Variants in IPP observed in about 807,000 individuals in gnomAD.
The protein encoded by IPP is intracisternal A particle-promoted polypeptide, also known as actin-binding protein IPP.
IPP carries 41 observed loss-of-function variants against 64.1 expected under a neutral mutation model. The ratio of observed to expected loss-of-function variants is 0.64; its 90% CI spans 0.50 to 0.83. The LOEUF is 0.83. Ranked by LOEUF, IPP falls within the 40% of genes least tolerant of loss-of-function variation. The pLI is 0.00. For missense variants in IPP, 649 were observed against 703.0 expected (o/e 0.92, Z 0.87); for synonymous variants, 214 against 235.2 (o/e 0.91, Z 0.83).
At position 45,726,098 on chromosome 1, in the gene IPP, T is replaced by A. The variant is rs569985345; in HGVS notation, c.1048+1533A>T. Among the ~76,000 whole-genome samples the A allele has an allele frequency of 3.6e-3, 502 of 140,688 alleles. 1 individual carries two copies. Among genetic ancestry groups the A allele is most frequent in the Middle Eastern group, 7.2e-3 (2 of 276 alleles). The allele number at this position is 140,688 out of a possible 152,430, so 92.3% of individuals were successfully genotyped here. On this transcript the variant is annotated intron_variant, in intron 5 of 8. Transcript: ENST00000396478. ...AAGAATGATCAATAAAAAAAATAAA[T>A]AAATAAATAAATAAATAAAGAGTTC...
intron 3 of IPP, among the ~76,000 whole-genome samples, chr1:45,735,692 C>T (rs1282051506): frequency 2.9e-5 from 4 of 136,624 alleles, no homozygotes; most frequent in East Asian, 2.2e-4. Flanking sequence ...TGCAGTGGTG[C>T]GATCTTGGCT....
chr1:45,743,555 A>C (rs894541131), intron 2 of IPP, among the ~76,000 whole-genome samples: 1 of 152,080 alleles, frequency 6.6e-6, no homozygotes, highest in African/African-American at 2.4e-5. Context: ...CTCTACAAAA[A>C]AAATTTAAAA....
At chr1:45,714,151 A>T in intron 8 of IPP, 95 bp downstream of exon 8, 1 of 880,974 alleles carries the variant, frequency 1.1e-6, no homozygotes, top group Non-Finnish European at 1.8e-6. Context: ...TCCACGAATG[A>T]TCAATATCAT....
intron 1 of IPP, among the ~76,000 whole-genome samples, chr1:45,748,383 A>C (rs1001188378): frequency 3.3e-5 from 5 of 152,114 alleles, no homozygotes; most frequent in Non-Finnish European, 7.4e-5. Flanking sequence ...AGAGGGTGAA[A>C]GGGGCTGGGC....
chr1:45,717,512 C>CA (rs796946405), intron 6 of IPP, among the ~76,000 whole-genome samples: 2 of 148,164 alleles, frequency 1.3e-5, no homozygotes, highest in Non-Finnish European at 3.0e-5. Context: ...CTCTCCAATT[C>CA]TTTTTTTTTT....
Position 45,699,127 on chromosome 1 carries a change from T to G in IPP, c.*839A>C. 1 of 985,394 alleles carries G rather than the reference T, an allele frequency of 1.0e-6. No individual in the cohort carries two copies. The highest frequency in any genetic ancestry group is 1.2e-6 in the Non-Finnish European group (1 of 829,934). The allele number at this position is 985,394 out of a possible 1,614,324, so 61.0% of individuals were successfully genotyped here. On this transcript the variant is annotated 3_prime_UTR_variant, in exon 9 of 9. Coordinates refer to ENST00000396478, the MANE Select transcript of IPP (RefSeq NM_005897.3). ...ACCTCCTATTAATTCCTTACTTGCA[T>G]TCTCAGGATCAAGACAAAAAATATG...
intron 5 of IPP, among the ~76,000 whole-genome samples, chr1:45,724,358 G>A (rs1201183935): frequency 6.6e-6 from 1 of 151,746 alleles, no homozygotes; most frequent in Non-Finnish European, 1.5e-5. Context: ...GCCTGCCTTG[G>A]CCTCCCAAAG....
intron 6 of IPP, 126 bp downstream of exon 6, chr1:45,719,077 A>G: frequency 1.3e-6 from 1 of 791,632 alleles, no homozygotes; most frequent in Non-Finnish European, 2.0e-6. Flanking sequence ...AGATGTGATT[A>G]TTACGCATTA....
intron 8 of IPP, among the ~76,000 whole-genome samples, chr1:45,712,044 G>A (rs1480098138): frequency 6.6e-6 from 1 of 151,908 alleles, no homozygotes; most frequent in African/African-American, 2.4e-5. Context: ...GGCCAGGAGT[G>A]GTGGCTTACA....
In IPP at chr1:45,709,428, G is replaced by C. The variant is rs1174441692; in HGVS notation, c.1530+4818C>G. Among the ~76,000 whole-genome samples the C allele has an allele frequency of 7.9e-5, 2 of 25,266 alleles. 1 individual carries two copies. Among genetic ancestry groups the C allele is most frequent in the South Asian group, 1.9e-3 (2 of 1,032 alleles). The allele number at this position is 25,266 out of a possible 152,430, so 16.6% of individuals were successfully genotyped here. On this transcript the variant is annotated intron_variant, in intron 8 of 8. Transcript: ENST00000396478. ...AGCCTGGGCGACAGAGCAAGACTCCGTCTCAAAAAAAAAAAAAAAAAGAGA... is the reference window on the plus strand; with the variant it reads ...AGCCTGGGCGACAGAGCAAGACTCCCTCTCAAAAAAAAAAAAAAAAAGAGA...
chr1:45,699,911 A>G lies in IPP; in HGVS notation c.*55T>C. 1 of 1,583,834 alleles carries G rather than the reference A, an allele frequency of 6.3e-7. No homozygotes were observed. The highest frequency in any genetic ancestry group is 8.6e-7 in the Non-Finnish European group (1 of 1,163,424). On this transcript the variant is annotated 3_prime_UTR_variant, in exon 9 of 9. Transcript: ENST00000396478. ...CACCAAATCTATGTTTGCTTTGCAA[A>G]AGGTCAGGTCCTGCATTTTCAAAAT...
At chr1:45,725,283 A>C (rs1645804361) in intron 5 of IPP, among the ~76,000 whole-genome samples, 2 of 113,754 alleles carry the variant, frequency 1.8e-5, no homozygotes, top group East Asian at 3.1e-4. Context: ...GGCCGCCCCT[A>C]CTGGGAAGTG....
At chr1:45,727,435 C>T (rs1363152264) in intron 5 of IPP, among the ~76,000 whole-genome samples, 196 bp downstream of exon 5, 3 of 151,912 alleles carry the variant, frequency 2.0e-5, no homozygotes, top group African/African-American at 7.3e-5. Context: ...CCATCTTGCC[C>T]TTCCCCTTCC....
chr1:45,719,863 C>A (rs1218311172), intron 5 of IPP, among the ~76,000 whole-genome samples: 3 of 151,810 alleles, frequency 2.0e-5, no homozygotes, highest in Non-Finnish European at 4.4e-5. Flanking sequence ...GTAGCTGGGA[C>A]TACAGGCGCC....
intron 3 of IPP, among the ~76,000 whole-genome samples, chr1:45,729,981 T>C (rs1200484337): frequency 6.6e-6 from 1 of 152,188 alleles, no homozygotes; most frequent in Non-Finnish European, 1.5e-5. Context: ...AGGTTGTTGT[T>C]AAAATATATG....
chr1:45,709,425 T>A (rs989812757), intron 8 of IPP, among the ~76,000 whole-genome samples: 2 of 44,020 alleles, frequency 4.5e-5, no homozygotes, highest in Admixed American at 2.9e-4. Flanking sequence ...AGAGCAAGAC[T>A]CCGTCTCAAA....
At chr1:45,712,864 AG>A (rs1236506766) in intron 8 of IPP, among the ~76,000 whole-genome samples, 3,352 of 140,404 alleles carry the variant, frequency 0.024, 126 homozygotes, top group African/African-American at 0.086. Context: ...AAAAAAAAAA[AG>A]AAAAAAAAAA....
chr1:45,728,853 C>T (rs958086145), intron 4 of IPP, among the ~76,000 whole-genome samples: 1 of 152,048 alleles, frequency 6.6e-6, no homozygotes, highest in Non-Finnish European at 1.5e-5. Flanking sequence ...TGTGGCAGGG[C>T]ACAGTGGCTC....
chr1:45,699,221 A>G lies in IPP; in HGVS notation c.*745T>C. 1.0e-6 allele frequency: 1 copy of G among 984,984 alleles called. No homozygotes were observed. Among genetic ancestry groups the G allele is most frequent in the Non-Finnish European group, 1.2e-6 (1 of 829,740 alleles). 61.0% of individuals were successfully genotyped at this position (984,984 alleles called of 1,614,324 possible). A position where few individuals can be genotyped will look rare whatever the true frequency, so the allele number is the denominator to read the frequency against. On this transcript the variant is annotated 3_prime_UTR_variant, in exon 9 of 9. Coordinates refer to ENST00000396478, the MANE Select transcript of IPP (RefSeq NM_005897.3). ...TAAAATAGCTAGATATTTCCCAAAC[A>G]CCCCTCCTAGGATATCTGCTGCCAA...
Sources: gnomAD v4.1 joint callset for allele counts (sites outside exome capture counted in the v4.1 genomes callset) on GRCh38, gnomAD v4.1.1 for gene constraint, MANE v1.5 for transcripts, NCBI Gene and HGNC (gene_info 2026-07-23, HGNC 2026-07-21) for gene names.